STARD3NL: variants seen among roughly 807,000 people sequenced by gnomAD.
The protein encoded by STARD3NL is STARD3 N-terminal like.
In STARD3NL, 17 loss-of-function variants were observed where a neutral mutation model predicts 30.9. The observed-to-expected ratio is 0.55, with a 90% CI of 0.38 to 0.82. The LOEUF is 0.82. Among genes scored for constraint, STARD3NL ranks in the 40% least tolerant of loss-of-function variants. STARD3NL has a pLI of 0.00. For synonymous variants in STARD3NL, 112 were observed against 100.5 expected (o/e 1.11, Z -0.69); for missense variants, 234 against 277.6 (o/e 0.84, Z 1.12).
chr7:38,214,502 A>C, intron 3 of STARD3NL, 68 bp downstream of exon 3: 2 of 996,870 alleles, frequency 2.0e-6, no homozygotes, highest in South Asian at 2.9e-5. Flanking sequence ...TCCTCTAAAT[A>C]GACTTCAAAT....
At chr7:38,195,366 G>A (rs1784856980) in intron 1 of STARD3NL, among the ~76,000 whole-genome samples, 2 of 152,158 alleles carry the variant, frequency 1.3e-5, no homozygotes, top group South Asian at 4.1e-4. Flanking sequence ...ACACTTATCA[G>A]TTTTTAAAAA....
intron 1 of STARD3NL, among the ~76,000 whole-genome samples, chr7:38,180,782 T>C (rs1350948966): frequency 6.6e-6 from 1 of 152,218 alleles, no homozygotes; most frequent in Non-Finnish European, 1.5e-5. Context: ...TGTGGCATTT[T>C]AGAGATCACA....
intron 7 of STARD3NL, among the ~76,000 whole-genome samples, chr7:38,225,102 C>T (rs947258386): frequency 1.3e-5 from 2 of 152,084 alleles, no homozygotes; most frequent in African/African-American, 4.8e-5. Context: ...TGTAGTGATA[C>T]TGAGATATTT....
intron 1 of STARD3NL, among the ~76,000 whole-genome samples, chr7:38,197,138 T>TTCTTTCTTTCTTTCTTTC (rs1327278941): frequency 2.3e-4 from 25 of 106,680 alleles, no homozygotes; most frequent in African/African-American, 1.1e-3. Flanking sequence ...ATTACCTTTT[T>TTCTTTCTTTCTTTCTTTC]TCTTTCTTTC....
At chr7:38,178,597 G>A (rs1671092981) in intron 1 of STARD3NL, among the ~76,000 whole-genome samples, 177 bp downstream of exon 1, 1 of 152,242 alleles carries the variant, frequency 6.6e-6, no homozygotes, top group African/African-American at 2.4e-5. Context: ...GGCAGGCTGT[G>A]CTCATAATGG....
chr7:38,187,833 G>T (rs1376830238), intron 1 of STARD3NL, among the ~76,000 whole-genome samples: 1 of 152,026 alleles, frequency 6.6e-6, no homozygotes, highest in East Asian at 1.9e-4. Context: ...CCCTTGTCTA[G>T]CTTCCCGCTT....
chr7:38,187,584 G>A (rs753529048), intron 1 of STARD3NL, among the ~76,000 whole-genome samples: 9 of 152,050 alleles, frequency 5.9e-5, no homozygotes, highest in Admixed American at 3.3e-4. Context: ...GACTTACATA[G>A]GGCCCACTTC....
At chr7:38,195,049 T>C (rs1405486153) in intron 1 of STARD3NL, among the ~76,000 whole-genome samples, 1 of 152,164 alleles carries the variant, frequency 6.6e-6, no homozygotes, top group Non-Finnish European at 1.5e-5. Context: ...GAGTGGTGAA[T>C]ATTAAGCCTA....
chr7:38,205,637 T>C (rs1030573038), intron 1 of STARD3NL, among the ~76,000 whole-genome samples: 1 of 147,106 alleles, frequency 6.8e-6, no homozygotes, highest in Non-Finnish European at 1.5e-5. Flanking sequence ...TGAAATATAA[T>C]ATACACTATT....
At chr7:38,228,892 C>T (rs752324265) in intron 8 of STARD3NL, 21 bp downstream of exon 8, 4 of 1,553,446 alleles carry the variant, frequency 2.6e-6, no homozygotes, top group Non-Finnish European at 3.5e-6. Flanking sequence ...GAAATGAAAC[C>T]ATAACAACAA....
chr7:38,214,966 C>G, intron 3 of STARD3NL, 62 bp from the exon 4 acceptor site: 1 of 1,469,300 alleles, frequency 6.8e-7, no homozygotes, highest in Non-Finnish European at 9.4e-7. Flanking sequence ...GTGAGTTTTT[C>G]ATAAAGCTGT....
At chr7:38,205,528 C>T (rs193143983) in intron 1 of STARD3NL, among the ~76,000 whole-genome samples, 4 of 151,952 alleles carry the variant, frequency 2.6e-5, no homozygotes, top group African/African-American at 9.7e-5. Context: ...GTGGCTATAC[C>T]ATGATTTATC....
At chr7:38,181,151 T>C (rs1347267601) in intron 1 of STARD3NL, among the ~76,000 whole-genome samples, 1 of 152,228 alleles carries the variant, frequency 6.6e-6, no homozygotes, top group Non-Finnish European at 1.5e-5. Context: ...TCTCTGTTAA[T>C]AGAAAGCTGT....
chr7:38,203,524 A>G (rs1010271095), intron 1 of STARD3NL, among the ~76,000 whole-genome samples: 4 of 152,246 alleles, frequency 2.6e-5, no homozygotes, highest in Admixed American at 6.5e-5. Flanking sequence ...CTGCAAAAAC[A>G]TGCCAAATTG....
At chr7:38,225,219 A>G (rs1786689246) in intron 7 of STARD3NL, among the ~76,000 whole-genome samples, 1 of 152,176 alleles carries the variant, frequency 6.6e-6, no homozygotes, top group African/African-American at 2.4e-5. Flanking sequence ...TTGAGTTGTA[A>G]GAATTCTTTA....
At position 38,200,305 on chromosome 7, in the gene STARD3NL, G is replaced by C. The variant is rs145374249; in HGVS notation, c.-58-7142G>C. Among the ~76,000 whole-genome samples the C allele has an allele frequency of 3.5e-3, 530 of 152,252 alleles. 12 individuals are homozygous for C. Among genetic ancestry groups the C allele is most frequent in the Non-Finnish European group, 7.5e-4 (51 of 68,022 alleles). The stretch of plus-strand genomic sequence containing the variant: ...CCATCTGGAAATGTATCACCTGGCT[G>C]AATGTACCTGTCTGCCCTTAACCTG... On this transcript the variant is annotated intron_variant, in intron 1 of 8. Coordinates refer to ENST00000009041, the MANE Select transcript of STARD3NL (RefSeq NM_032016.4).
At chr7:38,193,290 TG>T (rs977996781) in intron 1 of STARD3NL, among the ~76,000 whole-genome samples, 5 of 151,290 alleles carry the variant, frequency 3.3e-5, no homozygotes, top group Admixed American at 3.3e-4. Context: ...TTTTTGTTGT[TG>T]TTGTTGTTGT....
intron 7 of STARD3NL, among the ~76,000 whole-genome samples, chr7:38,220,971 A>T (rs76238176): frequency 0.088 from 10,324 of 116,798 alleles, 1,163 homozygotes; most frequent in African/African-American, 0.28. Context: ...AAGAAAAGAA[A>T]AGAATAGAAT....
At chr7:38,182,178 C>T (rs1468045555) in intron 1 of STARD3NL, among the ~76,000 whole-genome samples, 1 of 151,976 alleles carries the variant, frequency 6.6e-6, no homozygotes, top group Non-Finnish European at 1.5e-5. Flanking sequence ...ATTGTAGAGC[C>T]CTGTTATTTT....
Sources: gnomAD v4.1 joint callset for allele counts (sites outside exome capture counted in the v4.1 genomes callset) on GRCh38, gnomAD v4.1.1 for gene constraint, MANE v1.5 for transcripts, NCBI Gene and HGNC (gene_info 2026-07-23, HGNC 2026-07-21) for gene names.